Variants in SUMF1 observed in about 807,000 individuals in gnomAD.
SUMF1 encodes sulfatase modifying factor 1, also known as formylglycine-generating enzyme.
Under a neutral mutation model 47.6 loss-of-function variants are expected in SUMF1, and 48 were observed. That is an observed-to-expected ratio of 1.01 (90% CI 0.80 to 1.28). The LOEUF (loss-of-function observed/expected upper bound fraction) is 1.28, where lower values mean the gene tolerates loss of function less well. Ranked by LOEUF, SUMF1 falls within the 50% of genes most tolerant of loss-of-function variation. SUMF1 has a pLI of 0.00. For synonymous variants in SUMF1, 230 were observed against 192.1 expected, an observed-to-expected ratio of 1.20 and a Z score of -1.63; for missense variants, 571 against 485.4, an observed-to-expected ratio of 1.18 and a Z score of -1.66.
intron 8 of SUMF1, among the ~76,000 whole-genome samples, chr3:4,088,233 A>G (rs1692712325): frequency 6.6e-6 from 1 of 151,420 alleles, no homozygotes; most frequent in Admixed American, 6.6e-5. Context: ...TATTCCTTCC[A>G]CTCTCCATAC....
At chr3:4,092,088 T>C (rs1692801373) in intron 8 of SUMF1, among the ~76,000 whole-genome samples, 1 of 152,066 alleles carries the variant, frequency 6.6e-6, no homozygotes, top group African/African-American at 2.4e-5. Flanking sequence ...GCCTGATGTA[T>C]TATTGTATAG....
At chr3:4,167,969 T>G (rs1402294105) in intron 8 of SUMF1, among the ~76,000 whole-genome samples, 1 of 152,190 alleles carries the variant, frequency 6.6e-6, no homozygotes, top group African/African-American at 2.4e-5. Context: ...ATTCCAATGA[T>G]AGAGAGCCAT....
intron 8 of SUMF1, among the ~76,000 whole-genome samples, chr3:4,099,148 C>G (rs1441953801): frequency 6.6e-6 from 1 of 152,044 alleles, no homozygotes; most frequent in Non-Finnish European, 1.5e-5. Context: ...GCTGTGCCTC[C>G]AAATCAGGAG....
intron 3 of SUMF1, 104 bp downstream of exon 3, chr3:4,449,162 G>A (rs1377610479): frequency 5.0e-6 from 6 of 1,201,742 alleles, no homozygotes; most frequent in South Asian, 1.2e-5. Context: ...GAATGGTTAG[G>A]TGTTACAGGG....
chr3:4,168,618 T>C (rs1256918694), intron 8 of SUMF1, among the ~76,000 whole-genome samples: 2 of 152,200 alleles, frequency 1.3e-5, no homozygotes, highest in Non-Finnish European at 2.9e-5. Flanking sequence ...TACATTTCAA[T>C]TCAAAAAGTT....
rs1694263208 is a variant in SUMF1, at chr3:4,149,260, T to C, written c.1015-80515A>G. Among the ~76,000 whole-genome samples, 3 of 152,264 alleles carry C rather than the reference T, an allele frequency of 2.0e-5. No individual in the cohort carries two copies. The South Asian group carries it at 6.2e-4, about 32-fold the overall frequency. ...AATTAACAGCAATCATGTCCAGCCC[T>C]GGAGGGGAAAGAAGAATCACTGAAC... On this transcript the variant is annotated intron_variant and NMD_transcript_variant, in intron 8 of 12. Transcript: ENST00000448413.
rs78592955 is a variant in SUMF1 at position 4,036,922 on chromosome 3, T to C, written c.1191+31647A>G. Reference sequence around the variant, plus strand: ...AGAATCATACAGAACTAGGTGGAGATACTGAGGGAACCAACACACTGTTCT... The same window carrying C: ...AGAATCATACAGAACTAGGTGGAGACACTGAGGGAACCAACACACTGTTCT... On this transcript the variant is annotated intron_variant and NMD_transcript_variant, in intron 9 of 12. Coordinates refer to the SUMF1 transcript ENST00000448413. 4.9e-3 allele frequency among the ~76,000 whole-genome samples: 717 copies of C among 146,172 alleles called. 7 individuals are homozygous for C. The highest frequency in any genetic ancestry group is 0.017 in the African/African-American group (684 of 39,390).
intron 3 of SUMF1, among the ~76,000 whole-genome samples, chr3:4,432,913 T>G (rs1702280274): frequency 6.6e-6 from 1 of 152,196 alleles, no homozygotes; most frequent in Non-Finnish European, 1.5e-5. Flanking sequence ...TTGCATGATT[T>G]CCAAACCCCA....
intron 8 of SUMF1, among the ~76,000 whole-genome samples, chr3:4,274,675 A>G (rs1025535384): frequency 1.3e-5 from 2 of 152,212 alleles, no homozygotes; most frequent in Non-Finnish European, 2.9e-5. Context: ...ATCCCACTGT[A>G]AAACATCCTG....
At chr3:4,211,572 C>T (rs577109599) in intron 8 of SUMF1, among the ~76,000 whole-genome samples, 63 of 151,932 alleles carry the variant, frequency 4.1e-4, no homozygotes, top group Admixed American at 8.5e-4. Context: ...TTACTTAAAC[C>T]GGACACAGAA....
At chr3:4,406,110 T>G (rs984244334) in intron 7 of SUMF1, among the ~76,000 whole-genome samples, 1 of 152,062 alleles carries the variant, frequency 6.6e-6, no homozygotes, top group Non-Finnish European at 1.5e-5. Context: ...CTGATGGAAG[T>G]AAGCAATATT....
chr3:4,325,608 TAC>T (rs139250144), intron 8 of SUMF1, among the ~76,000 whole-genome samples: 5,919 of 148,924 alleles, frequency 0.04, 119 homozygotes, highest in African/African-American at 0.049. Flanking sequence ...TATATATGTG[TAC>T]ACACACACAC....
At chr3:4,192,879 C>G (rs1376355755) in intron 8 of SUMF1, among the ~76,000 whole-genome samples, 1 of 152,058 alleles carries the variant, frequency 6.6e-6, no homozygotes, top group African/African-American at 2.4e-5. Context: ...GATAGATCAA[C>G]GTGTCAAGAG....
intron 7 of SUMF1, among the ~76,000 whole-genome samples, chr3:4,386,528 AAC>A (rs1700678828): frequency 6.6e-6 from 1 of 152,114 alleles, no homozygotes; most frequent in African/African-American, 2.4e-5. Context: ...TATGTAAACA[AAC>A]ACTCATATAT....
intron 8 of SUMF1, among the ~76,000 whole-genome samples, chr3:4,354,349 C>T (rs555403103): frequency 6.6e-6 from 1 of 152,334 alleles, no homozygotes; most frequent in East Asian, 1.9e-4. Context: ...CAGATCAACA[C>T]AGTATGGGCC....
chr3:4,405,170 T>C (rs541568787), intron 7 of SUMF1, among the ~76,000 whole-genome samples: 1 of 152,314 alleles, frequency 6.6e-6, no homozygotes, highest in Admixed American at 6.5e-5. Context: ...AGTCCTATCA[T>C]GCAATGGCAA....
intron 8 of SUMF1, among the ~76,000 whole-genome samples, chr3:4,261,123 G>C (rs1404676068): frequency 6.6e-6 from 1 of 152,174 alleles, no homozygotes; most frequent in African/African-American, 2.4e-5. Context: ...TAAAGACAAA[G>C]CAAGGAAACA....
intron 3 of SUMF1, among the ~76,000 whole-genome samples, chr3:4,423,358 T>C (rs1701968941): frequency 6.6e-6 from 1 of 151,242 alleles, no homozygotes; most frequent in African/African-American, 2.4e-5. Context: ...TTAACGGCAT[T>C]CACAGCAACC....
At chr3:4,449,704 C>T (rs569363906) in intron 2 of SUMF1, among the ~76,000 whole-genome samples, 2 of 152,284 alleles carry the variant, frequency 1.3e-5, no homozygotes, top group South Asian at 2.1e-4. Context: ...TGTCCTTTGT[C>T]CTGAATCTAG....
Sources: gnomAD v4.1 joint callset for allele counts (sites outside exome capture counted in the v4.1 genomes callset) on GRCh38, gnomAD v4.1.1 for gene constraint, MANE v1.5 for transcripts, NCBI Gene and HGNC (gene_info 2026-07-23, HGNC 2026-07-21) for gene names.